The following GALNT13 variants were observed in gnomAD, a reference collection of about 807,000 sequenced individuals.
GALNT13 encodes the protein UDP-GalNAc:polypeptide N-acetylgalactosaminyltransferase 13.
A neutral mutation model predicts 64.2 loss-of-function variants in GALNT13; 28 were observed. The observed-to-expected ratio is 0.44, with a 90% CI of 0.32 to 0.60. The LOEUF is 0.60. Among genes scored for constraint, GALNT13 ranks in the 20% least tolerant of loss-of-function variants. The pLI is 0.05. For synonymous variants in GALNT13, 214 were observed against 224.6 expected (o/e 0.95, Z 0.42); for missense variants, 577 against 669.8 (o/e 0.86, Z 1.53).
chr2:154,023,420 G>A (rs1697688634), intron 3 of GALNT13, among the ~76,000 whole-genome samples: 1 of 152,214 alleles, frequency 6.6e-6, no homozygotes, highest in East Asian at 1.9e-4. Flanking sequence ...AGCTCTTCTT[G>A]TTGAATTGAT....
At chr2:153,257,178 G>T in the GALNT13 span, among the ~76,000 whole-genome samples, 11 of 152,214 alleles carry the variant, frequency 7.2e-5, no homozygotes, top group Non-Finnish European at 1.3e-4. Context: ...AAGCCCGTCG[G>T]AAAAGCGCAG....
chr2:154,302,158 T>C (rs1400996448), intron 9 of GALNT13, among the ~76,000 whole-genome samples: 2 of 152,036 alleles, frequency 1.3e-5, no homozygotes, highest in Non-Finnish European at 2.9e-5. Flanking sequence ...ATTCATACAT[T>C]ACTTATTTTA....
At chr2:153,899,034 T>G (rs1688061522) in intron 1 of GALNT13, among the ~76,000 whole-genome samples, 1 of 152,150 alleles carries the variant, frequency 6.6e-6, no homozygotes, top group African/African-American at 2.4e-5. Context: ...AAATCTTCAC[T>G]TTTTCAAAAA....
the GALNT13 span, among the ~76,000 whole-genome samples, chr2:153,688,183 C>T: frequency 1.3e-5 from 2 of 151,906 alleles, no homozygotes; most frequent in Non-Finnish European, 2.9e-5. Flanking sequence ...TACGTATGGT[C>T]GATGGCTGCT....
At chr2:153,979,283 C>T (rs767763851) in intron 3 of GALNT13, among the ~76,000 whole-genome samples, 5 of 152,020 alleles carry the variant, frequency 3.3e-5, no homozygotes, top group Non-Finnish European at 5.9e-5. Context: ...ATTCAGCTAG[C>T]CACACTTATT....
intron 4 of GALNT13, among the ~76,000 whole-genome samples, chr2:154,145,732 T>C (rs1340332008): frequency 6.6e-6 from 1 of 151,976 alleles, no homozygotes; most frequent in African/African-American, 2.4e-5. Context: ...TTTGAATAAG[T>C]TGCTCTCAAA....
intron 11 of GALNT13, chr2:154,437,630 G>T: frequency 1.3e-6 from 1 of 757,708 alleles, no homozygotes; most frequent in South Asian, 1.4e-5. Flanking sequence ...GCCGAGGCAG[G>T]TGGATCATGA....
chr2:153,599,009 A>G, the GALNT13 span, among the ~76,000 whole-genome samples: 1 of 152,030 alleles, frequency 6.6e-6, no homozygotes, highest in Non-Finnish European at 1.5e-5. Flanking sequence ...CTTTTTGAAT[A>G]GTACTGTCAG....
chr2:153,114,446 G>A, the GALNT13 span, among the ~76,000 whole-genome samples: 4 of 152,122 alleles, frequency 2.6e-5, no homozygotes, highest in African/African-American at 4.8e-5. Flanking sequence ...TGAAGAGTTA[G>A]GAGTAGAAAC....
the GALNT13 span, among the ~76,000 whole-genome samples, chr2:153,324,499 T>C: frequency 6.6e-6 from 1 of 152,362 alleles, no homozygotes; most frequent in South Asian, 2.1e-4. Flanking sequence ...TTCTCTTGCC[T>C]GATTGCCCTG....
intron 3 of GALNT13, among the ~76,000 whole-genome samples, chr2:154,121,838 G>T (rs140230700): frequency 3.3e-4 from 50 of 151,816 alleles, no homozygotes; most frequent in African/African-American, 1.2e-3. Flanking sequence ...CCATTAAACT[G>T]ATCTTTCTCT....
the GALNT13 span, among the ~76,000 whole-genome samples, chr2:153,845,434 C>T: frequency 6.6e-6 from 1 of 152,140 alleles, no homozygotes; most frequent in Non-Finnish European, 1.5e-5. Flanking sequence ...GAAGGTACCG[C>T]ACTCTTTTAA....
intron 1 of GALNT13, among the ~76,000 whole-genome samples, chr2:153,876,202 T>TACAC (rs56256669): frequency 0.25 from 37,328 of 148,502 alleles, 5,567 homozygotes; most frequent in East Asian, 0.64. Flanking sequence ...CCCCCCACAC[T>TACAC]ACACACACAC....
At chr2:153,740,006 T>C in the GALNT13 span, among the ~76,000 whole-genome samples, 52 of 151,988 alleles carry the variant, frequency 3.4e-4, no homozygotes, top group African/African-American at 1.2e-3. Flanking sequence ...TTCTATTTCT[T>C]CAATAGGATA....
At chr2:153,305,076 A>G in the GALNT13 span, among the ~76,000 whole-genome samples, 1 of 152,146 alleles carries the variant, frequency 6.6e-6, no homozygotes, top group Non-Finnish European at 1.5e-5. Context: ...ATTCAAAAAT[A>G]TATTTGTTAG....
At chr2:153,087,110 T>C in the GALNT13 span, among the ~76,000 whole-genome samples, 1 of 152,206 alleles carries the variant, frequency 6.6e-6, no homozygotes, top group Non-Finnish European at 1.5e-5. Flanking sequence ...TAATGTTGGC[T>C]GTGGGTTTGT....
chr2:153,496,025 G>T, the GALNT13 span, among the ~76,000 whole-genome samples: 2 of 152,204 alleles, frequency 1.3e-5, no homozygotes, highest in Non-Finnish European at 2.9e-5. Context: ...TAGCCCTGCC[G>T]ATGGTGTCCA....
At chr2:154,427,979 G>A (rs1457778275) in intron 11 of GALNT13, among the ~76,000 whole-genome samples, 1 of 152,096 alleles carries the variant, frequency 6.6e-6, no homozygotes, top group Non-Finnish European at 1.5e-5. Flanking sequence ...TATAATTTTT[G>A]TTGCTAAACA....
At chr2:153,988,692 G>T (rs1484278693) in intron 3 of GALNT13, among the ~76,000 whole-genome samples, 1 of 151,924 alleles carries the variant, frequency 6.6e-6, no homozygotes, top group African/African-American at 2.4e-5. Context: ...AAGGGCATTG[G>T]TAGCCCTCTT....
Sources: allele counts gnomAD v4.1 joint callset (sites outside exome capture counted in the v4.1 genomes callset), GRCh38; gene constraint gnomAD v4.1.1; transcripts MANE v1.5; gene names NCBI Gene and HGNC (gene_info 2026-07-23, HGNC 2026-07-21).